Variants in KCNH2 observed in about 807,000 individuals in gnomAD.
The protein encoded by KCNH2 is potassium voltage-gated channel subfamily H member 2.
In KCNH2, 35 loss-of-function variants were observed where a neutral mutation model predicts 95.9. The observed-to-expected ratio is 0.37, with a 90% CI of 0.28 to 0.48. The LOEUF (loss-of-function observed/expected upper bound fraction) is 0.48. Among genes scored for constraint, KCNH2 ranks in the 20% least tolerant of loss-of-function variants. KCNH2 has a pLI of 0.99. For synonymous variants in KCNH2, 786 were observed against 754.7 expected, an observed-to-expected ratio of 1.04 and a Z score of -0.68; for missense variants, 1,274 against 1,702.9, an observed-to-expected ratio of 0.75 and a Z score of 4.43.
At chr7:150,958,910 G>A (rs547165271) in intron 3 of KCNH2, among the ~76,000 whole-genome samples, 23 of 152,350 alleles carry the variant, frequency 1.5e-4, no homozygotes, top group Admixed American at 1.4e-3. Context: ...CATCCGATGA[G>A]CAGGTAGGGC....
At chr7:150,951,231 G>T in intron 7 of KCNH2, 111 bp from the exon 8 acceptor site, 2 of 1,062,920 alleles carry the variant, frequency 1.9e-6, no homozygotes, top group Non-Finnish European at 2.8e-6. Flanking sequence ...GCGTCGACAT[G>T]CCCACGAGAC....
intron 9 of KCNH2, chr7:150,949,519 T>C (rs1022735653): frequency 3.7e-6 from 3 of 809,696 alleles, no homozygotes; most frequent in Non-Finnish European, 4.6e-6. Context: ...CCCAGTGTTA[T>C]GTAGTGAAAC....
At position 150,945,255 on chromosome 7, in the gene KCNH2, G is replaced by GT; in HGVS notation, c.*109dup. 1.6e-6 allele frequency: 2 copies of GT among 1,241,092 alleles called. No homozygotes were observed. Among genetic ancestry groups the GT allele is most frequent in the East Asian group, 5.1e-5 (2 of 39,008 alleles). The allele number at this position is 1,241,092 out of a possible 1,614,324, so 76.9% of individuals were successfully genotyped here. ...GCTGGGGGAGGAGCTGTGCTTTCGA[G>GT]TTCCTCTCCCCTTCCACGGTCAGGG... On this transcript the variant is annotated 3_prime_UTR_variant, in exon 15 of 15. Transcript: ENST00000262186. The surrounding 1 kb of genome is among the most constrained non-coding windows in gnomAD (Gnocchi z 5.6).
intron 4 of KCNH2, among the ~76,000 whole-genome samples, chr7:150,957,750 AG>A (rs1801426125): frequency 6.6e-6 from 1 of 152,234 alleles, no homozygotes; most frequent in Non-Finnish European, 1.5e-5. Context: ...GCTGGCAGGC[AG>A]GGGGCCAGGT....
intron 11 of KCNH2, 21 bp from the exon 12 acceptor site, chr7:150,947,899 G>T (rs1387634985): frequency 6.5e-7 from 1 of 1,529,288 alleles, no homozygotes. Flanking sequence ...CAGAGAATGG[G>T]CCTCAGAGAG....
Position 150,947,378 on chromosome 7 carries a change from G to A in KCNH2, c.3102C>T (p.Pro1034=). The change falls in exon 13 of 15, where the codon CCC becomes CCT. Residue 1034 remains proline, a synonymous_variant. Transcript: ENST00000262186. Reference sequence around the variant, plus strand: ...CCAGCCTGCTCTCCACGTCGCCCCGGGGCCGCCGACCCGGGCTGGAGAGGG... The same window carrying A: ...CCAGCCTGCTCTCCACGTCGCCCCGAGGCCGCCGACCCGGGCTGGAGAGGG... ...NIPLSSPGRR[P]RGDVESRLDA... 6.5e-7 allele frequency: 1 copy of A among 1,548,656 alleles called. No individual in the cohort carries two copies. The highest frequency in any genetic ancestry group is 8.7e-7 in the Non-Finnish European group (1 of 1,147,198).
At position 150,947,814 on chromosome 7, in the gene KCNH2, G is replaced by A. The variant is rs2116933746; in HGVS notation, c.2757C>T (p.Ser919=). 6.5e-7 allele frequency: 1 copy of A among 1,529,512 alleles called. No individual in the cohort carries two copies. The highest frequency in any genetic ancestry group is 8.7e-7 in the Non-Finnish European group (1 of 1,143,340). 94.7% of individuals were successfully genotyped at this position (1,529,512 alleles called of 1,614,324 possible). Residue 919 remains serine (S), a synonymous_variant, in exon 12 of 15, where the codon AGC becomes AGT. Transcript: ENST00000262186. ...CCCACGGCCCCCCCGGCCGGCCCCG[G>A]CTACTCGGCCCTGCCCCCGCCCGGC... is the stretch of plus-strand genomic sequence containing the variant. ...GPGRAGAGPS[S]RGRPGGPWGE...
chr7:150,960,312 CAAT>C (rs1212637701), intron 2 of KCNH2, among the ~76,000 whole-genome samples: 1 of 152,182 alleles, frequency 6.6e-6, no homozygotes, highest in Non-Finnish European at 1.5e-5. Context: ...TTAATTGACA[CAAT>C]AATTGTACAT....
At chr7:150,948,416 T>G in intron 11 of KCNH2, 28 bp downstream of exon 11, 14 of 402,868 alleles carry the variant, frequency 3.5e-5, no homozygotes, top group Non-Finnish European at 5.0e-5. Context: ...GTCCCCGCCC[T>G]CCCCCTTCCT....
chr7:150,957,222 A>G lies in KCNH2; in HGVS notation c.1128+69T>C, dbSNP rs1025333397. ...AGCCCCCTCCACCCGGCTCTGGATC[A>G]CAGCCCACTCCCACCCCCTCTCCAA... is the stretch of plus-strand genomic sequence containing the variant. On this transcript the variant is annotated intron_variant, in intron 5 of 14. Coordinates refer to ENST00000262186, the MANE Select transcript of KCNH2 (RefSeq NM_000238.4). The G allele has an allele frequency of 1.8e-5, 24 of 1,335,778 alleles. No individual in the cohort carries two copies. The Admixed American group carries it at 3.9e-4, about 22-fold the overall frequency. 82.7% of individuals were successfully genotyped at this position (1,335,778 alleles called of 1,614,324 possible).
In KCNH2 at chr7:150,945,542, C is replaced by T. The variant is rs558165647; in HGVS notation, c.3331-28G>A. On this transcript the variant is annotated intron_variant, in intron 14 of 14. Transcript: ENST00000262186. The surrounding 1 kb of genome is among the most constrained non-coding windows in gnomAD (Gnocchi z 5.6). The stretch of plus-strand genomic sequence containing the variant: ...GCAATACACACAGAGCATGGGCAGG[C>T]GAAGAGGCCATGGAGGAGGAGGAAG... The T allele has an allele frequency of 3.3e-5, 52 of 1,554,316 alleles. No homozygotes were observed. The South Asian group carries it at 5.0e-4, about 15-fold the overall frequency.
intron 11 of KCNH2, among the ~76,000 whole-genome samples, 182 bp downstream of exon 11, chr7:150,948,262 G>A (rs1041652029): frequency 5.3e-5 from 8 of 152,228 alleles, no homozygotes; most frequent in African/African-American, 9.7e-5. Flanking sequence ...TGGAGGAGGT[G>A]ACAGCTGCAG....
At chr7:150,955,908 TCC>T (rs1801360776) in intron 5 of KCNH2, 1 of 782,194 alleles carries the variant, frequency 1.3e-6, no homozygotes, top group Admixed American at 3.7e-4. Flanking sequence ...AGCGGCCCCC[TCC>T]CCCGCAGCCC....
At chr7:150,963,123 C>A (rs1801611468) in intron 2 of KCNH2, among the ~76,000 whole-genome samples, 1 of 152,262 alleles carries the variant, frequency 6.6e-6, no homozygotes, top group South Asian at 2.1e-4. Context: ...CCAGCTGCTG[C>A]AGGCTGCAGT....
rs1563143539 is a variant in KCNH2, at chr7:150,946,404, T to C, written c.3330+473A>G. ...TGACAGCCACTGCCAAGGGCAAGGATGGGCAGGACGGTGAGACCAGGGAGT... is the reference window on the plus strand; with the variant it reads ...TGACAGCCACTGCCAAGGGCAAGGACGGGCAGGACGGTGAGACCAGGGAGT... On this transcript the variant is annotated intron_variant, in intron 14 of 14. Transcript: ENST00000262186. This position sits in a 1 kb window ranked among gnomAD's most constrained non-coding sequence, Gnocchi z 6.5. 3.3e-5 allele frequency among the ~76,000 whole-genome samples: 5 copies of C among 152,128 alleles called. No homozygotes were observed.
chr7:150,951,251 C>A, intron 7 of KCNH2, 131 bp from the exon 8 acceptor site: 1 of 995,252 alleles, frequency 1.0e-6, no homozygotes, highest in Admixed American at 2.1e-5. Flanking sequence ...CGCCCTTGTA[C>A]ATCTGCGCTC....
chr7:150,949,145 GT>G (rs1563151043), intron 9 of KCNH2, 96 bp from the exon 10 acceptor site: 7 of 1,231,370 alleles, frequency 5.7e-6, no homozygotes, highest in Non-Finnish European at 7.0e-6. Context: ...GGCAGAGCAT[GT>G]CCCCTCAGCT....
intron 11 of KCNH2, 34 bp downstream of exon 11, chr7:150,948,410 C>A: frequency 1.8e-6 from 2 of 1,142,564 alleles, no homozygotes; most frequent in East Asian, 2.5e-5. Flanking sequence ...CACCTTGTCC[C>A]CGCCCTCCCC....
chr7:150,955,662 C>A, intron 5 of KCNH2: 1 of 1,406,218 alleles, frequency 7.1e-7, no homozygotes, highest in Non-Finnish European at 9.2e-7. Flanking sequence ...GTGGTTGTGG[C>A]TGGGCCCCAG....
Sources: allele counts gnomAD v4.1 joint callset (sites outside exome capture counted in the v4.1 genomes callset), GRCh38; gene constraint gnomAD v4.1.1; non-coding constraint Gnocchi (gnomAD v3.1); transcripts MANE v1.5; gene names NCBI Gene and HGNC (gene_info 2026-07-23, HGNC 2026-07-21).